The following OSBPL9 variants were observed in gnomAD, a reference collection of about 807,000 sequenced individuals.
OSBPL9 encodes oxysterol binding protein like 9.
Under a neutral mutation model 106.6 loss-of-function variants are expected in OSBPL9, and 40 were observed. The ratio of observed to expected loss-of-function variants is 0.38; its 90% CI spans 0.29 to 0.49. The LOEUF (loss-of-function observed/expected upper bound fraction) is 0.49, where lower values mean the gene tolerates loss of function less well. Among genes scored for constraint, OSBPL9 ranks in the 20% least tolerant of loss-of-function variants. The pLI is 0.97. For missense variants in OSBPL9, 609 were observed against 887.2 expected, an observed-to-expected ratio of 0.69 and a Z score of 3.98; for synonymous variants, 269 against 295.4, an observed-to-expected ratio of 0.91 and a Z score of 0.92.
chr1:51,627,837 T>G (rs1644860800), intron 1 of OSBPL9, among the ~76,000 whole-genome samples: 1 of 152,186 alleles, frequency 6.6e-6, no homozygotes, highest in South Asian at 2.1e-4. Context: ...CTTTTTTACC[T>G]CCACATTTCA....
At chr1:51,748,733 C>T (rs894252183) in intron 7 of OSBPL9, among the ~76,000 whole-genome samples, 2 of 152,128 alleles carry the variant, frequency 1.3e-5, no homozygotes, top group African/African-American at 4.8e-5. Context: ...CAGGGTCTTA[C>T]TATGTTGTCC....
intron 16 of OSBPL9, chr1:51,781,572 T>C (rs1293340432): frequency 5.5e-6 from 2 of 365,628 alleles, no homozygotes; most frequent in Non-Finnish European, 1.0e-5. Flanking sequence ...CATAATATAA[T>C]TTTATGGCTT....
At chr1:51,698,035 C>T (rs189094661) in intron 3 of OSBPL9, among the ~76,000 whole-genome samples, 73 of 152,162 alleles carry the variant, frequency 4.8e-4, no homozygotes, top group Admixed American at 1.0e-3. Flanking sequence ...CAGATTATCT[C>T]ATTTAAATCT....
At chr1:51,602,419 A>ATTTTTTTTTTT (rs1357173060) in intron 2 of OSBPL9, among the ~76,000 whole-genome samples, 9 of 104,658 alleles carry the variant, frequency 8.6e-5, no homozygotes, top group Admixed American at 2.0e-4. Context: ...TTTTTTTTTA[A>ATTTTTTTTTTT]TTTTTTTTTT....
chr1:51,577,520 A>T (rs1181370565), intron 1 of OSBPL9, among the ~76,000 whole-genome samples: 2 of 151,170 alleles, frequency 1.3e-5, no homozygotes, highest in South Asian at 2.1e-4. Flanking sequence ...TGATCCACCC[A>T]CCTAGGCCTC....
At chr1:51,714,313 G>A (rs1660644088) in intron 4 of OSBPL9, among the ~76,000 whole-genome samples, 2 of 152,122 alleles carry the variant, frequency 1.3e-5, no homozygotes, top group Admixed American at 1.3e-4. Flanking sequence ...GCAAGACAAT[G>A]TTGAAAGTGA....
At chr1:51,740,333 A>G in intron 4 of OSBPL9, 1 of 1,205,268 alleles carries the variant, frequency 8.3e-7, no homozygotes, top group South Asian at 2.1e-5. Flanking sequence ...TCATATTTTA[A>G]TCAAAATTAC....
At chr1:51,695,933 C>T (rs1040722294) in intron 3 of OSBPL9, among the ~76,000 whole-genome samples, 2 of 152,084 alleles carry the variant, frequency 1.3e-5, no homozygotes, top group African/African-American at 2.4e-5. Context: ...AGCAGAGAAT[C>T]GTGTCATGTG....
intron 1 of OSBPL9, among the ~76,000 whole-genome samples, chr1:51,591,919 T>G (rs1310229949): frequency 1.3e-5 from 2 of 152,104 alleles, no homozygotes; most frequent in African/African-American, 4.8e-5. Flanking sequence ...AACACTGGAC[T>G]TCTCGGTCCT....
At chr1:51,540,923 C>T in the OSBPL9 span, among the ~76,000 whole-genome samples, 1 of 150,284 alleles carries the variant, frequency 6.7e-6, no homozygotes, top group Non-Finnish European at 1.5e-5. Flanking sequence ...AGCGCCACTG[C>T]ACTCCAGCCT....
At chr1:51,552,586 A>T in the OSBPL9 span, among the ~76,000 whole-genome samples, 1 of 152,218 alleles carries the variant, frequency 6.6e-6, no homozygotes, top group Admixed American at 6.5e-5. Flanking sequence ...AAACCAGACT[A>T]AAAAGTATTA....
intron 2 of OSBPL9, among the ~76,000 whole-genome samples, chr1:51,607,989 C>T (rs1643960547): frequency 6.6e-6 from 1 of 152,232 alleles, no homozygotes; most frequent in Non-Finnish European, 1.5e-5. Context: ...TCTTGATTTT[C>T]CTTGGGGCAG....
upstream of OSBPL9, among the ~76,000 whole-genome samples, chr1:51,615,101 A>G (rs1644019198): frequency 6.6e-6 from 1 of 152,194 alleles, no homozygotes; most frequent in African/African-American, 2.4e-5. Flanking sequence ...CTCTACTAAA[A>G]ATACAAAAGT....
chr1:51,765,673 A>C (rs1239772710), intron 11 of OSBPL9, 149 bp from the exon 12 acceptor site: 1 of 611,630 alleles, frequency 1.6e-6, no homozygotes, highest in Admixed American at 3.8e-5. Flanking sequence ...TGTGGAGTTT[A>C]AATGTTGATT....
intron 4 of OSBPL9, among the ~76,000 whole-genome samples, chr1:51,721,685 G>A (rs550000833): frequency 4.8e-4 from 73 of 152,250 alleles, no homozygotes; most frequent in African/African-American, 1.7e-3. Flanking sequence ...CAGTATATAA[G>A]GATCGGTTTA....
chr1:51,539,749 A>G, the OSBPL9 span, among the ~76,000 whole-genome samples: 1 of 152,206 alleles, frequency 6.6e-6, no homozygotes, highest in South Asian at 2.1e-4. Context: ...AAATGGTAGA[A>G]CTTAGGTTTG....
At chr1:51,654,090 G>A (rs980081712) in intron 2 of OSBPL9, among the ~76,000 whole-genome samples, 1 of 152,008 alleles carries the variant, frequency 6.6e-6, no homozygotes, top group Non-Finnish European at 1.5e-5. Context: ...CTGATTGCAC[G>A]GTGGTGCAGT....
chr1:51,647,763 C>T (rs1646258390), intron 1 of OSBPL9, among the ~76,000 whole-genome samples: 1 of 151,688 alleles, frequency 6.6e-6, no homozygotes. Flanking sequence ...CTTTGAATCC[C>T]CTTTTTTTTC....
chr1:51,534,060 C>T, the OSBPL9 span, among the ~76,000 whole-genome samples: 1 of 151,608 alleles, frequency 6.6e-6, no homozygotes, highest in African/African-American at 2.4e-5. Flanking sequence ...TAAAAACTAG[C>T]GGGGAGTGGT....
Sources: gnomAD v4.1 joint callset for allele counts (sites outside exome capture counted in the v4.1 genomes callset) on GRCh38, gnomAD v4.1.1 for gene constraint, MANE v1.5 for transcripts, NCBI Gene and HGNC (gene_info 2026-07-23, HGNC 2026-07-21) for gene names.